Variants in GNA12 observed in about 807,000 individuals in gnomAD.
The protein encoded by GNA12 is G protein subunit alpha 12.
In GNA12, 9 loss-of-function variants were observed where a neutral mutation model predicts 26.0. The observed-to-expected ratio is 0.35, with a 90% confidence interval of 0.21 to 0.60. The LOEUF (loss-of-function observed/expected upper bound fraction) is 0.60, where lower values mean the gene tolerates loss of function less well. Among genes scored for constraint, GNA12 ranks in the 20% least tolerant of loss-of-function variants. The pLI is 0.78. For synonymous variants in GNA12, 264 were observed against 219.6 expected, an observed-to-expected ratio of 1.20 and a Z score of -1.79; for missense variants, 405 against 525.8, an observed-to-expected ratio of 0.77 and a Z score of 2.25.
chr7:2,749,231 A>G (rs1038018225), intron 2 of GNA12, among the ~76,000 whole-genome samples: 3 of 152,192 alleles, frequency 2.0e-5, no homozygotes, highest in Non-Finnish European at 4.4e-5. Context: ...TTGCGGCACT[A>G]TTCACAATAG....
rs1230848768 is a variant in GNA12 at position 2,844,301 on chromosome 7, G to A, written c.-140C>T. On this transcript the variant is annotated 5_prime_UTR_variant, in exon 1 of 4. Transcript: ENST00000275364. Reference sequence around the variant, plus strand: ...CGCGTCCGCCGCCGCCGCTGCAGTCGCTCCGAGGCCCGCACTCGTCGCCCG... The same window carrying A: ...CGCGTCCGCCGCCGCCGCTGCAGTCACTCCGAGGCCCGCACTCGTCGCCCG... 1 of 267,604 alleles carries A rather than the reference G, an allele frequency of 3.7e-6. No homozygotes were observed. The highest frequency in any genetic ancestry group is 5.7e-6 in the Non-Finnish European group (1 of 174,766). The allele number at this position is 267,604 out of a possible 1,614,324, so 16.6% of individuals were successfully genotyped here. A position where few individuals can be genotyped will look rare whatever the true frequency, so the allele number is the denominator to read the frequency against.
At chr7:2,816,225 G>A (rs569780884) in intron 1 of GNA12, among the ~76,000 whole-genome samples, 1 of 144,614 alleles carries the variant, frequency 6.9e-6, no homozygotes, top group Non-Finnish European at 1.5e-5. Flanking sequence ...ACGCACATGT[G>A]CTGCTCACCA....
intron 2 of GNA12, among the ~76,000 whole-genome samples, chr7:2,739,620 A>G (rs1391057087): frequency 2.0e-5 from 3 of 152,098 alleles, no homozygotes; most frequent in Non-Finnish European, 4.4e-5. Flanking sequence ...TTGCTTGAAT[A>G]TCTGTTTTCA....
chr7:2,785,849 C>A (rs992743384), intron 2 of GNA12, among the ~76,000 whole-genome samples: 3 of 152,148 alleles, frequency 2.0e-5, no homozygotes, highest in African/African-American at 7.2e-5. Context: ...GAGTTCAAGA[C>A]CAGCCTGGCC....
At chr7:2,761,739 G>C (rs577959935) in intron 2 of GNA12, among the ~76,000 whole-genome samples, 3 of 152,322 alleles carry the variant, frequency 2.0e-5, no homozygotes, top group Admixed American at 1.3e-4. Flanking sequence ...GAGTTGACAA[G>C]ATGGGCCACT....
chr7:2,829,891 G>A (rs1793564152), intron 1 of GNA12, among the ~76,000 whole-genome samples: 1 of 152,158 alleles, frequency 6.6e-6, no homozygotes, highest in South Asian at 2.1e-4. Context: ...GACAGACGCT[G>A]CTTTCAATCC....
chr7:2,839,327 A>T (rs553843869), intron 1 of GNA12, among the ~76,000 whole-genome samples: 89 of 152,190 alleles, frequency 5.8e-4, no homozygotes, highest in Middle Eastern at 3.4e-3. Flanking sequence ...TTTGCCTCCC[A>T]GGTTCAAGTG....
intron 2 of GNA12, among the ~76,000 whole-genome samples, chr7:2,753,819 C>G (rs933148286): frequency 2.6e-5 from 4 of 151,958 alleles, no homozygotes; most frequent in African/African-American, 9.7e-5. Flanking sequence ...TCAGTTTCTT[C>G]TGGGATATCT....
At chr7:2,805,335 T>C (rs1792919744) in intron 1 of GNA12, among the ~76,000 whole-genome samples, 1 of 152,358 alleles carries the variant, frequency 6.6e-6, no homozygotes, top group South Asian at 2.1e-4. Flanking sequence ...ATGCCCATTT[T>C]ACAAATGAGA....
intron 1 of GNA12, among the ~76,000 whole-genome samples, chr7:2,842,895 G>A (rs1222662104): frequency 6.6e-6 from 1 of 152,224 alleles, no homozygotes; most frequent in Non-Finnish European, 1.5e-5. Flanking sequence ...CATGGGGAGG[G>A]CACAGGTGAA....
At chr7:2,734,649 G>C (rs1174680259) in intron 2 of GNA12, among the ~76,000 whole-genome samples, 2 of 152,248 alleles carry the variant, frequency 1.3e-5, no homozygotes, top group Non-Finnish European at 2.9e-5. Context: ...AGAAAGCAGA[G>C]AGGAAGCTCC....
At chr7:2,750,296 C>G (rs1348068147) in intron 2 of GNA12, among the ~76,000 whole-genome samples, 2 of 152,194 alleles carry the variant, frequency 1.3e-5, no homozygotes, top group African/African-American at 4.8e-5. Flanking sequence ...ACTGCAGAGG[C>G]AGACAGGCAA....
At chr7:2,814,229 T>A (rs1793159363) in intron 1 of GNA12, 4 of 784,028 alleles carry the variant, frequency 5.1e-6, no homozygotes, top group Non-Finnish European at 9.3e-6. Context: ...CATCTATGTA[T>A]CCTGTTGGCT....
intron 2 of GNA12, among the ~76,000 whole-genome samples, chr7:2,747,028 T>C (rs1337305138): frequency 2.6e-5 from 4 of 152,134 alleles, no homozygotes; most frequent in South Asian, 4.1e-4. Context: ...CAATAATCAA[T>C]AGCTTACCAA....
At chr7:2,736,106 A>G (rs905620445) in intron 2 of GNA12, among the ~76,000 whole-genome samples, 1 of 152,244 alleles carries the variant, frequency 6.6e-6, no homozygotes, top group Admixed American at 6.5e-5. Flanking sequence ...GGCCAGGTTT[A>G]CAATCCCATG....
chr7:2,804,085 G>A (rs74534681), intron 1 of GNA12, among the ~76,000 whole-genome samples: 1,840 of 152,204 alleles, frequency 0.012, 46 homozygotes, highest in African/African-American at 0.04. Context: ...GAACGAAATC[G>A]TCCTCTTAAG....
chr7:2,780,965 C>G (rs1271144077), intron 2 of GNA12, among the ~76,000 whole-genome samples: 5 of 152,220 alleles, frequency 3.3e-5, no homozygotes, highest in Non-Finnish European at 7.3e-5. Context: ...GTGTTCCCAC[C>G]AGCACTGCAG....
rs1793112366 is a variant in GNA12, at chr7:2,812,675, TCA to T, written c.310-17534_310-17533del. Among the ~76,000 whole-genome samples the T allele has an allele frequency of 4.0e-5, 6 of 151,638 alleles. No homozygotes were observed. The South Asian group carries it at 1.3e-3, about 32-fold the overall frequency. ...TCACATCACATCACATCACATCACA[TCA>T]CATCACATCACATCACATCAGGGGC... On this transcript the variant is annotated intron_variant, in intron 1 of 3. Coordinates refer to ENST00000275364, the MANE Select transcript of GNA12 (RefSeq NM_007353.3).
chr7:2,796,037 G>C (rs771659755), intron 1 of GNA12, among the ~76,000 whole-genome samples: 7 of 151,870 alleles, frequency 4.6e-5, no homozygotes, highest in South Asian at 2.1e-4. Flanking sequence ...GCTAATTTTT[G>C]TATTTTTAGT....
Sources: gnomAD v4.1 joint callset for allele counts (sites outside exome capture counted in the v4.1 genomes callset) on GRCh38, gnomAD v4.1.1 for gene constraint, MANE v1.5 for transcripts, NCBI Gene and HGNC (gene_info 2026-07-23, HGNC 2026-07-21) for gene names.